Variants in TRAIP observed in about 807,000 individuals in gnomAD.
The protein encoded by TRAIP is TRAF interacting protein.
TRAIP carries 37 observed loss-of-function variants against 65.0 expected under a neutral mutation model. The ratio of observed to expected loss-of-function variants is 0.57; its 90% confidence interval spans 0.44 to 0.75. TRAIP has a LOEUF of 0.75. Ranked by LOEUF, TRAIP falls within the 30% of genes least tolerant of loss-of-function variation. The pLI, the probability that TRAIP is intolerant of heterozygous loss-of-function variation, is 0.00. For synonymous variants in TRAIP, 187 were observed against 219.1 expected (o/e 0.85, Z 1.29); for missense variants, 481 against 579.4 (o/e 0.83, Z 1.74).
Position 49,839,052 on chromosome 3 carries a change from G to A in TRAIP, c.884+720C>T, listed in dbSNP as rs2081813421. Among the ~76,000 whole-genome samples the A allele has an allele frequency of 2.6e-5, 4 of 151,748 alleles. No individual in the cohort carries two copies. In the South Asian group the frequency reaches 6.3e-4, roughly 24 times the overall value. On this transcript the variant is annotated intron_variant, in intron 10 of 14. Transcript: ENST00000331456. ...AAAATACAAAAAATTAGCCAGGCGT[G>A]GTGGTGCGCGCCTGTAATCCCAGCT...
intron 1 of TRAIP, among the ~76,000 whole-genome samples, chr3:49,855,014 A>C (rs1224015536): frequency 6.6e-6 from 1 of 152,168 alleles, no homozygotes; most frequent in Non-Finnish European, 1.5e-5. Flanking sequence ...CAGTGAGCCG[A>C]GATGGCACCA....
intron 3 of TRAIP, among the ~76,000 whole-genome samples, chr3:49,846,440 A>C (rs1291716712): frequency 6.6e-6 from 1 of 152,074 alleles, no homozygotes; most frequent in Non-Finnish European, 1.5e-5. Context: ...GGAGTAGAAG[A>C]GTTTTCTAAT....
intron 10 of TRAIP, 120 bp from the exon 11 acceptor site, chr3:49,832,188 C>T (rs957444872): frequency 1.3e-5 from 16 of 1,202,854 alleles, no homozygotes; most frequent in Non-Finnish European, 1.8e-5. Flanking sequence ...CTCAAGGCCA[C>T]CCCTCAAGAG....
intron 8 of TRAIP, chr3:49,840,635 C>T: frequency 1.8e-6 from 1 of 560,762 alleles, no homozygotes; most frequent in Non-Finnish European, 3.2e-6. Context: ...AATCAGGTTC[C>T]AGGAGCCCTT....
chr3:49,829,920 A>T, intron 12 of TRAIP, 100 bp downstream of exon 12: 1 of 1,585,468 alleles, frequency 6.3e-7, no homozygotes, highest in Admixed American at 1.7e-5. Flanking sequence ...GAAGTACCTC[A>T]GTCCTGGACC....
intron 13 of TRAIP, 43 bp from the exon 14 acceptor site, chr3:49,829,551 G>A (rs1358812361): frequency 1.2e-6 from 2 of 1,614,008 alleles, no homozygotes; most frequent in Non-Finnish European, 8.5e-7. Context: ...CTAATGGGCT[G>A]GGGGGCTGGC....
intron 10 of TRAIP, among the ~76,000 whole-genome samples, chr3:49,833,135 C>A (rs1203068525): frequency 1.3e-5 from 2 of 152,184 alleles, no homozygotes; most frequent in East Asian, 3.8e-4. Context: ...CAGCCAGGAC[C>A]ACTCATGCCA....
intron 10 of TRAIP, among the ~76,000 whole-genome samples, chr3:49,833,288 T>A (rs2081751591): frequency 6.6e-6 from 1 of 152,130 alleles, no homozygotes; most frequent in Non-Finnish European, 1.5e-5. Context: ...AAGGCAGGAC[T>A]TTCTACTCCC....
chr3:49,834,252 G>T (rs371320667), intron 10 of TRAIP, among the ~76,000 whole-genome samples: 1 of 152,114 alleles, frequency 6.6e-6, no homozygotes, highest in Non-Finnish European at 1.5e-5. Flanking sequence ...AGTTGGGGGT[G>T]GTGGCTACAT....
At position 49,832,023 on chromosome 3, in the gene TRAIP, G is replaced by A; in HGVS notation, c.930C>T (p.Phe310=). 6.2e-7 allele frequency: 1 copy of A among 1,606,290 alleles called. No individual in the cohort carries two copies. Among genetic ancestry groups the A allele is most frequent in the Non-Finnish European group, 8.5e-7 (1 of 1,176,244 alleles). ...EVNLKLRRPS[F]RDDIDLNATF... ...TAGCATTGAGATCAATATCATCACG[G>A]AAGGATGGCCGGCGGAGCTTCAGAT... The change falls in exon 11 of 15, where the codon TTC becomes TTT. Residue 310 remains phenylalanine, a synonymous_variant. Transcript: ENST00000331456.
intron 10 of TRAIP, among the ~76,000 whole-genome samples, chr3:49,836,256 C>A (rs1437452595): frequency 6.6e-6 from 1 of 151,930 alleles, no homozygotes; most frequent in Admixed American, 6.6e-5. Flanking sequence ...TTTGGGAGGC[C>A]GAGGTGGGAA....
At chr3:49,856,237 G>T in intron 1 of TRAIP, 119 bp downstream of exon 1, 1 of 851,224 alleles carries the variant, frequency 1.2e-6, no homozygotes, top group Non-Finnish European at 1.8e-6. Flanking sequence ...GCCTCGTCTA[G>T]GAGGAAGGTT....
chr3:49,847,595 G>A lies in TRAIP; in HGVS notation c.170C>T (p.Thr57Ile). Reference protein sequence around the residue: ...PQCRIQVGKRTIINKLFFDLA... With the variant: ...PQCRIQVGKRIIINKLFFDLA... ...ATCAAAGAAGAGCTTATTGATAATG[G>A]TTCTTTTGCCAACCTGGATGGGAGA... is the stretch of plus-strand genomic sequence containing the variant. The change falls in exon 3 of 15, where the codon ACC becomes ATC. Residue 57 changes from threonine (T) to isoleucine (I), a missense_variant. Transcript: ENST00000331456. 6.2e-7 allele frequency: 1 copy of A among 1,609,468 alleles called. No individual in the cohort carries two copies. The highest frequency in any genetic ancestry group is 8.5e-7 in the Non-Finnish European group (1 of 1,178,628).
chr3:49,847,318 G>A (rs905736225), intron 3 of TRAIP, among the ~76,000 whole-genome samples: 1 of 151,574 alleles, frequency 6.6e-6, no homozygotes, highest in Non-Finnish European at 1.5e-5. Context: ...GGAGTTTGAG[G>A]TTATAGTGAG....
At chr3:49,829,333 G>A in intron 14 of TRAIP, 108 bp from the exon 15 acceptor site, 1 of 1,611,228 alleles carries the variant, frequency 6.2e-7, no homozygotes, top group East Asian at 2.2e-5. Context: ...GGGCGGCGCT[G>A]ATACACAGAA....
intron 7 of TRAIP, 115 bp downstream of exon 7, chr3:49,841,711 G>A: frequency 1.3e-6 from 1 of 744,660 alleles, no homozygotes; most frequent in Non-Finnish European, 2.2e-6. Context: ...AAGGCAGCAT[G>A]GCTCCAGAGT....
At chr3:49,844,645 A>G in intron 3 of TRAIP, 65 bp from the exon 4 acceptor site, 2 of 1,596,504 alleles carry the variant, frequency 1.3e-6, no homozygotes, top group South Asian at 2.2e-5. Context: ...GTGGTCTCCC[A>G]TAAGGCTGTG....
At chr3:49,832,143 T>G in intron 10 of TRAIP, 75 bp from the exon 11 acceptor site, 1 of 1,445,098 alleles carries the variant, frequency 6.9e-7, no homozygotes, top group Non-Finnish European at 9.1e-7. Flanking sequence ...GCATCAGAGA[T>G]AACTCAGCTC....
chr3:49,831,973 G>T lies in TRAIP; in HGVS notation c.980C>A (p.Ala327Asp). 6.2e-7 allele frequency: 1 copy of T among 1,606,780 alleles called. No individual in the cohort carries two copies. Among genetic ancestry groups the T allele is most frequent in the Non-Finnish European group, 8.5e-7 (1 of 1,176,680 alleles). The change falls in exon 11 of 15, where the codon GCC (alanine) becomes GAC (aspartate). Residue 327 changes from alanine to aspartate, a missense_variant. Coordinates refer to ENST00000331456, the MANE Select transcript of TRAIP (RefSeq NM_005879.3). ...ACCATGCTGGGAGCTGGAGGGCCGG[G>T]CTGGGGGAGTATCCACATCAAAGGT... Reference protein sequence around the residue: ...NATFDVDTPPARPSSSQHGYY... With the variant: ...NATFDVDTPPDRPSSSQHGYY...
Sources: allele counts gnomAD v4.1 joint callset (sites outside exome capture counted in the v4.1 genomes callset), GRCh38; gene constraint gnomAD v4.1.1; transcripts MANE v1.5; gene names NCBI Gene and HGNC (gene_info 2026-07-23, HGNC 2026-07-21).